Variants in RANBP2 observed in about 807,000 individuals in gnomAD.
RANBP2 encodes E3 SUMO-protein ligase RanBP2.
A neutral mutation model predicts 303.6 loss-of-function variants in RANBP2; 57 were observed. That is an observed-to-expected ratio of 0.19 (90% CI 0.15 to 0.23). The LOEUF is 0.23. RANBP2 is among the 10% of genes least tolerant of loss of function. The pLI, the probability that RANBP2 is intolerant of heterozygous loss-of-function variation, is 1.00. For synonymous variants in RANBP2, 1,167 were observed against 1,301.5 expected (o/e 0.90, Z 2.23); for missense variants, 3,138 against 3,780.8 (o/e 0.83, Z 4.46).
chr2:109,442,589 A>G, the RANBP2 span, among the ~76,000 whole-genome samples: 1 of 152,218 alleles, frequency 6.6e-6, no homozygotes, highest in African/African-American at 2.4e-5. Context: ...AAGTTTGGGA[A>G]GGGAGAAGTG....
the RANBP2 span, among the ~76,000 whole-genome samples, chr2:109,223,954 A>T: frequency 6.6e-6 from 1 of 152,130 alleles, no homozygotes; most frequent in Admixed American, 6.5e-5. Flanking sequence ...GTGAGCCATG[A>T]TTGTGCCACT....
At chr2:109,427,673 C>T in the RANBP2 span, among the ~76,000 whole-genome samples, 3 of 152,366 alleles carry the variant, frequency 2.0e-5, no homozygotes, top group African/African-American at 7.2e-5. Context: ...GCCTCACAGC[C>T]GTGCCACCCC....
At chr2:109,296,399 T>G in the RANBP2 span, among the ~76,000 whole-genome samples, 2,293 of 151,794 alleles carry the variant, frequency 0.015, 22 homozygotes, top group African/African-American at 0.017. Flanking sequence ...AGTTTTTTTT[T>G]TGTGTGTGTG....
the RANBP2 span, among the ~76,000 whole-genome samples, chr2:109,379,262 A>G: frequency 6.6e-6 from 1 of 152,354 alleles, no homozygotes; most frequent in East Asian, 1.9e-4. Context: ...TAAGGGTCAG[A>G]GGTTCCCCAG....
chr2:109,763,262 T>C, the RANBP2 span, among the ~76,000 whole-genome samples: 1 of 150,560 alleles, frequency 6.6e-6, no homozygotes, highest in African/African-American at 2.4e-5. Context: ...GACACTGTTC[T>C]GAGTACATTA....
chr2:109,545,368 C>CT, the RANBP2 span: 20,928 of 1,503,028 alleles, frequency 0.014, 187 homozygotes, highest in Non-Finnish European at 0.016. Flanking sequence ...ACTTGGGTAA[C>CT]TGATTTTAAC....
At chr2:108,745,010 A>C (rs1383231629) in intron 7 of RANBP2, among the ~76,000 whole-genome samples, 3 of 151,902 alleles carry the variant, frequency 2.0e-5, no homozygotes, top group Non-Finnish European at 4.4e-5. Flanking sequence ...TATAAAGGGC[A>C]TTCTCATTAG....
the RANBP2 span, among the ~76,000 whole-genome samples, chr2:109,403,114 G>A: frequency 2.6e-5 from 4 of 152,214 alleles, no homozygotes; most frequent in East Asian, 7.7e-4. Flanking sequence ...GAAAGGAAGC[G>A]TGCGTCTGTG....
At chr2:109,374,040 TG>T in the RANBP2 span, among the ~76,000 whole-genome samples, 5 of 152,174 alleles carry the variant, frequency 3.3e-5, no homozygotes, top group African/African-American at 1.2e-4. Flanking sequence ...TGACTGCCTG[TG>T]GGTCTGAAAA....
chr2:109,408,383 G>A, the RANBP2 span, among the ~76,000 whole-genome samples: 3 of 152,206 alleles, frequency 2.0e-5, no homozygotes, highest in Non-Finnish European at 2.9e-5. Flanking sequence ...TCTCCACCCA[G>A]ATCTCCTGAC....
chr2:109,142,016 G>C, the RANBP2 span, among the ~76,000 whole-genome samples: 13 of 150,388 alleles, frequency 8.6e-5, no homozygotes, highest in Non-Finnish European at 1.9e-4. Context: ...CCCTGCCCAA[G>C]TCCTCTTCTG....
chr2:108,723,656 T>G (rs1694465582), intron 1 of RANBP2, among the ~76,000 whole-genome samples: 1 of 152,242 alleles, frequency 6.6e-6, no homozygotes. Context: ...ATTCTTTCAG[T>G]ACTGTTATTG....
chr2:109,455,698 A>G, the RANBP2 span, among the ~76,000 whole-genome samples: 1 of 152,164 alleles, frequency 6.6e-6, no homozygotes, highest in Non-Finnish European at 1.5e-5. Context: ...TCTCGAGTGG[A>G]GGCACCCTGC....
the RANBP2 span, among the ~76,000 whole-genome samples, chr2:108,819,579 T>G: frequency 1.3e-5 from 2 of 152,224 alleles, no homozygotes; most frequent in African/African-American, 4.8e-5. Flanking sequence ...CAGCGATAAG[T>G]TGCTAGGGAA....
the RANBP2 span, among the ~76,000 whole-genome samples, chr2:109,366,829 G>A: frequency 6.6e-6 from 1 of 152,124 alleles, no homozygotes; most frequent in Non-Finnish European, 1.5e-5. Flanking sequence ...CTCCAGCCTG[G>A]GCAACAGAGC....
chr2:109,499,613 CAT>C, the RANBP2 span, among the ~76,000 whole-genome samples: 1 of 152,152 alleles, frequency 6.6e-6, no homozygotes, highest in Non-Finnish European at 1.5e-5. Flanking sequence ...AGACTCTAAG[CAT>C]AAGGGCCGAG....
At chr2:109,545,263 A>C in the RANBP2 span, 4 of 1,387,374 alleles carry the variant, frequency 2.9e-6, no homozygotes, top group Non-Finnish European at 3.7e-6. Context: ...CCAAATAGTT[A>C]AACCGACAGG....
At chr2:109,584,474 CAAAAAAAAAAAAA>C in the RANBP2 span, among the ~76,000 whole-genome samples, 1 of 72,044 alleles carries the variant, frequency 1.4e-5, no homozygotes, top group African/African-American at 5.6e-5. Context: ...GACTCTGTCT[CAAAAAAAAAAAAA>C]AAAAAAAAAA....
In RANBP2 at chr2:108,785,282, C is replaced by G. The variant is rs978519906; in HGVS notation, c.*1381C>G. 6.6e-6 allele frequency: 1 copy of G among 152,172 alleles called. No homozygotes were observed. The highest frequency in any genetic ancestry group is 1.5e-5 in the Non-Finnish European group (1 of 68,038). The allele number at this position is 152,172 out of a possible 1,614,324, so 9.4% of individuals were successfully genotyped here. Reference sequence around the variant, plus strand: ...TTCCACTCGGCCACAAAGCCAGATACTTGAAATAAACCTACTCCAAATGTA... The same window carrying G: ...TTCCACTCGGCCACAAAGCCAGATAGTTGAAATAAACCTACTCCAAATGTA... On this transcript the variant is annotated 3_prime_UTR_variant, in exon 29 of 29. Coordinates refer to ENST00000283195, the MANE Select transcript of RANBP2 (RefSeq NM_006267.5).
Sources: gnomAD v4.1 joint callset for allele counts (sites outside exome capture counted in the v4.1 genomes callset) on GRCh38, gnomAD v4.1.1 for gene constraint, MANE v1.5 for transcripts, NCBI Gene and HGNC (gene_info 2026-07-23, HGNC 2026-07-21) for gene names.